The following DHRSX variants were observed in gnomAD, a reference collection of about 807,000 sequenced individuals.
DHRSX encodes polyprenol dehydrogenase.
In DHRSX, 31 loss-of-function variants were observed where a neutral mutation model predicts 34.0. The observed-to-expected ratio is 0.91, with a 90% CI of 0.69 to 1.23. The LOEUF is 1.23. DHRSX is among the 50% of genes most tolerant of loss of function. The pLI is 0.00. For synonymous variants in DHRSX, 201 were observed against 183.8 expected, an observed-to-expected ratio of 1.09 and a Z score of -0.76; for missense variants, 414 against 428.1, an observed-to-expected ratio of 0.97 and a Z score of 0.29.
At chrX:2,385,589 T>G (rs939114055) in intron 3 of DHRSX, among the ~76,000 whole-genome samples, 4 of 152,060 alleles carry the variant, frequency 2.6e-5, no homozygotes, top group African/African-American at 9.7e-5. Context: ...GCATTCCGGC[T>G]GCTGTTATGA....
intron 1 of DHRSX, among the ~76,000 whole-genome samples, chrX:2,459,550 GTATATATA>G (rs57748851): frequency 0.26 from 35,580 of 137,662 alleles, 4,965 homozygotes; most frequent in African/African-American, 0.37. Flanking sequence ...GTGTCTGTGT[GTATATATA>G]TATATATATA....
intron 1 of DHRSX, chrX:2,489,977 G>A (rs775074298): frequency 4.3e-6 from 7 of 1,613,908 alleles, no homozygotes; most frequent in Non-Finnish European, 5.9e-6. Flanking sequence ...GAGCACTCGC[G>A]TGATGGTCTC....
At chrX:2,481,533 G>A (rs1353184232) in intron 1 of DHRSX, among the ~76,000 whole-genome samples, 1 of 151,970 alleles carries the variant, frequency 6.6e-6, no homozygotes, top group Non-Finnish European at 1.5e-5. Context: ...GGCTGTGGTG[G>A]CAGACACCTG....
chrX:2,409,610 G>GC (rs1874316836), intron 2 of DHRSX, among the ~76,000 whole-genome samples: 2 of 152,182 alleles, frequency 1.3e-5, no homozygotes, highest in African/African-American at 4.8e-5. Context: ...CTCTCCAAGT[G>GC]AGGTTTCAGG....
chrX:2,283,315 C>A (rs1225939861), intron 4 of DHRSX, among the ~76,000 whole-genome samples: 1 of 151,922 alleles, frequency 6.6e-6, no homozygotes, highest in African/African-American at 2.4e-5. Context: ...AGAGAAGGCG[C>A]CATCGGGAGA....
At chrX:2,499,705 C>G (rs1282809862) in intron 1 of DHRSX, among the ~76,000 whole-genome samples, 6 of 151,822 alleles carry the variant, frequency 4.0e-5, no homozygotes, top group Non-Finnish European at 7.4e-5. Context: ...CCATGAGTTT[C>G]AGACCAGCCT....
intron 5 of DHRSX, among the ~76,000 whole-genome samples, chrX:2,243,790 T>TTTTTTTTG (rs1244218317): frequency 7.7e-5 from 2 of 26,080 alleles, no homozygotes; most frequent in African/African-American, 6.4e-4. Context: ...TGCTCCCTGT[T>TTTTTTTTG]TTTTTTTTTT....
chrX:2,420,233 C>T (rs1017237383), intron 2 of DHRSX, among the ~76,000 whole-genome samples: 10 of 150,976 alleles, frequency 6.6e-5, no homozygotes, highest in Non-Finnish European at 1.3e-4. Flanking sequence ...ATGGTGAAAC[C>T]CCCCCTCTAC....
At chrX:2,349,769 A>T (rs780655238) in intron 3 of DHRSX, among the ~76,000 whole-genome samples, 1 of 152,098 alleles carries the variant, frequency 6.6e-6, no homozygotes, top group Non-Finnish European at 1.5e-5. Context: ...GGGCTGAGCA[A>T]GGTGGCTCAC....
chrX:2,422,416 C>T (rs2043792410), intron 2 of DHRSX, among the ~76,000 whole-genome samples: 1 of 152,088 alleles, frequency 6.6e-6, no homozygotes, highest in Non-Finnish European at 1.5e-5. Flanking sequence ...GCATACGCCA[C>T]CATGCCGAGC....
intron 3 of DHRSX, among the ~76,000 whole-genome samples, chrX:2,359,493 C>T (rs917596335): frequency 6.6e-6 from 1 of 152,100 alleles, no homozygotes; most frequent in Non-Finnish European, 1.5e-5. Context: ...CTGGCCAACA[C>T]ATGGTGAAAC....
chrX:2,325,175 G>C (rs2042364363), intron 3 of DHRSX, among the ~76,000 whole-genome samples: 2 of 152,086 alleles, frequency 1.3e-5, no homozygotes, highest in African/African-American at 4.8e-5. Context: ...GAGCTTGTAC[G>C]GGTGAATGTC....
chrX:2,480,662 T>C (rs1255699110), intron 1 of DHRSX, among the ~76,000 whole-genome samples: 2 of 151,518 alleles, frequency 1.3e-5, no homozygotes, highest in Non-Finnish European at 2.9e-5. Context: ...TGCAAAAAAC[T>C]TAAAAAATTA....
chrX:2,498,666 C>A (rs2045341676), intron 1 of DHRSX, among the ~76,000 whole-genome samples: 2 of 149,836 alleles, frequency 1.3e-5, no homozygotes, highest in South Asian at 4.3e-4. Flanking sequence ...TTTTCTAATG[C>A]ACAAAGAGCA....
At chrX:2,489,838 G>C (rs1213982178) in intron 1 of DHRSX, 1 of 1,613,696 alleles carries the variant, frequency 6.2e-7, no homozygotes, top group East Asian at 2.2e-5. Flanking sequence ...CGGCATTGAA[G>C]GTGTGGCCCA....
chrX:2,492,486 T>C (rs1232249814), intron 1 of DHRSX, among the ~76,000 whole-genome samples: 1 of 151,598 alleles, frequency 6.6e-6, no homozygotes, highest in Non-Finnish European at 1.5e-5. Context: ...GAAAGATCTG[T>C]CCACAGCCTA....
intron 3 of DHRSX, among the ~76,000 whole-genome samples, chrX:2,386,523 A>T (rs919736125): frequency 2.0e-5 from 3 of 152,136 alleles, no homozygotes; most frequent in African/African-American, 7.2e-5. Flanking sequence ...CCAACCAGAT[A>T]TTCAAGAATT....
intron 3 of DHRSX, among the ~76,000 whole-genome samples, chrX:2,300,477 A>G (rs2041996976): frequency 6.6e-6 from 1 of 152,150 alleles, no homozygotes; most frequent in Admixed American, 6.5e-5. Context: ...CAAGTTTAAC[A>G]TTTGAGTTAG....
chrX:2,332,886 T>C (rs1025288977), intron 3 of DHRSX, among the ~76,000 whole-genome samples: 1 of 152,174 alleles, frequency 6.6e-6, no homozygotes, highest in African/African-American at 2.4e-5. Flanking sequence ...ATTCAGAATG[T>C]ACTCTGCGGT....
Sources: allele counts gnomAD v4.1 joint callset (sites outside exome capture counted in the v4.1 genomes callset), GRCh38; gene constraint gnomAD v4.1.1; transcripts MANE v1.5; gene names NCBI Gene and HGNC (gene_info 2026-07-23, HGNC 2026-07-21).